MUC17: variants seen among roughly 807,000 people sequenced by gnomAD.
MUC17 encodes the protein mucin 17, cell surface associated.
A neutral mutation model predicts 170.3 loss-of-function variants in MUC17; 190 were observed. That is an observed-to-expected ratio of 1.12 (90% CI 0.99 to 1.26). The LOEUF is 1.26. Among genes scored for constraint, MUC17 ranks in the 50% most tolerant of loss-of-function variants. The probability of loss-of-function intolerance (pLI) is 0.00; values close to 1 mark genes in which losing one functional copy is unlikely to be tolerated. For missense variants in MUC17, 6,415 were observed against 5,530.0 expected (o/e 1.16, Z -5.08); for synonymous variants, 2,325 against 2,002.5 (o/e 1.16, Z -4.30).
chr7:101,032,265 C>A lies in MUC17; in HGVS notation c.849C>A (p.Ser283Arg). 1 of 1,613,756 alleles carries A rather than the reference C, an allele frequency of 6.2e-7. No individual in the cohort carries two copies. The highest frequency in any genetic ancestry group is 8.5e-7 in the Non-Finnish European group (1 of 1,179,798). Residue 283 changes from serine to arginine, a missense_variant, in exon 3 of 13, where the codon AGC becomes AGA. By Grantham distance (110) the Ser-to-Arg change is moderately radical. Coordinates refer to ENST00000306151, the MANE Select transcript of MUC17 (RefSeq NM_001040105.2). ...CTCCATTAACAAGAATGCCTCTCAG[C>A]GTGATGCTGGTGGTCAGTTCTGAGG... ...GSTPLTRMPLSVMLVVSSEAS... is the reference protein window; with the variant it reads ...GSTPLTRMPLRVMLVVSSEAS...
rs868684461 is a variant in MUC17, at chr7:101,040,691, G to A, written c.9275G>A (p.Gly3092Asp). Residue 3092 changes from glycine (G) to aspartate (D), a missense_variant, in exon 3 of 13, where the codon GGT (glycine) becomes GAT (aspartate). Gly to Asp is a moderately conservative substitution (Grantham distance 94). Transcript: ENST00000306151. The stretch of plus-strand genomic sequence containing the variant: ...AGTTCATCTCCTACACCTGCTGAAG[G>A]TACCAGCATGCCAATCTCAACTTAT... ...EVSSSPTPAE[G>D]TSMPISTYSE... 6 of 1,613,046 alleles carry A rather than the reference G, an allele frequency of 3.7e-6. No individual in the cohort carries two copies. Among genetic ancestry groups the A allele is most frequent in the Non-Finnish European group, 4.2e-6 (5 of 1,179,772 alleles).
Position 101,041,068 on chromosome 7 carries a change from A to G in MUC17, c.9652A>G (p.Ser3218Gly), listed in dbSNP as rs148969776. The G allele has an allele frequency of 9.9e-6, 16 of 1,613,612 alleles. No homozygotes were observed. In the African/African-American group the frequency reaches 1.3e-4, roughly 13 times the overall value. Residue 3218 changes from serine (S) to glycine (G), a missense_variant, in exon 3 of 13, where the codon AGT becomes GGT. By Grantham distance (56) the Ser-to-Gly change is moderately conservative. Coordinates refer to ENST00000306151, the MANE Select transcript of MUC17 (RefSeq NM_001040105.2). ...EGTSIPTSTPSEGMTPLTSVP... is the reference protein window; with the variant it reads ...EGTSIPTSTPGEGMTPLTSVP... ...TACCAGCATTCCAACCTCAACTCCT[A>G]GTGAAGGAATGACTCCATTAACTAG...
rs747880677 is a variant in MUC17, at chr7:101,042,957, C to A, written c.11541C>A (p.Leu3847=). 2 of 1,614,144 alleles carry A rather than the reference C, an allele frequency of 1.2e-6. No homozygotes were observed. The highest frequency in any genetic ancestry group is 3.3e-5 in the Admixed American group (2 of 60,022). The part of the protein sequence containing the change: ...TPPGDTSTPL[L]TSTKAGSFSI... ...CTGGTGATACCAGCACACCTTTGCT[C>A]ACCTCTACCAAAGCCGGTTCATTCT... The change falls in exon 3 of 13, where the codon CTC becomes CTA. Residue 3847 remains leucine, a synonymous_variant. Transcript: ENST00000306151.
At chr7:101,053,214 G>A in intron 10 of MUC17, 67 bp downstream of exon 10, 3 of 1,591,008 alleles carry the variant, frequency 1.9e-6, no homozygotes, top group Non-Finnish European at 2.6e-6. Context: ...TGAACCCTCT[G>A]TCTCTAATCA....
chr7:101,043,749 C>A lies in MUC17; in HGVS notation c.12333C>A (p.Thr4111=). The stretch of plus-strand genomic sequence containing the variant: ...CTTCCTTCCCCACGGTGACCACCAC[C>A]GCTGTCCCCACGAATACTACAATTA... ...RTTSFPTVTT[T]AVPTNTTIKS... is the part of the protein sequence containing the mutation. The change falls in exon 3 of 13, where the codon ACC becomes ACA. Residue 4111 remains threonine (T), a synonymous_variant. Transcript: ENST00000306151. 1 of 1,614,128 alleles carries A rather than the reference C, an allele frequency of 6.2e-7. No homozygotes were observed. The highest frequency in any genetic ancestry group is 8.5e-7 in the Non-Finnish European group (1 of 1,180,028).
In MUC17 at chr7:101,036,378, T is replaced by G. The variant is rs748999087; in HGVS notation, c.4962T>G (p.Thr1654=). 3.7e-6 allele frequency: 6 copies of G among 1,611,930 alleles called. No individual in the cohort carries two copies. Among genetic ancestry groups the G allele is most frequent in the Middle Eastern group, 3.3e-4 (2 of 6,070 alleles). The change falls in exon 3 of 13, where the codon ACT becomes ACG. Residue 1654 remains threonine, a synonymous_variant. Transcript: ENST00000306151. ...ASPEASTLST[T]PVDSNSPVIT... is the part of the protein sequence containing the mutation. The stretch of plus-strand genomic sequence containing the variant: ...CTGAGGCTAGCACCCTTTCAACAAC[T>G]CCTGTTGACTCCAACAGTCCTGTGA...
At position 101,053,288 on chromosome 7, in the gene MUC17, T is replaced by G. The variant is rs777318545; in HGVS notation, c.13266-51T>G. On this transcript the variant is annotated intron_variant, in intron 10 of 12. Transcript: ENST00000306151. ...GGGGATACAGCTTGTCCCTGGTCCT[T>G]ATTCCTGTTCCCCAATCCTAATGGG... The G allele has an allele frequency of 1.9e-6, 3 of 1,593,850 alleles. No individual in the cohort carries two copies. The South Asian group carries it at 3.3e-5, about 18-fold the overall frequency.
chr7:101,056,641 A>G (rs1240315834), intron 12 of MUC17, among the ~76,000 whole-genome samples: 3 of 152,218 alleles, frequency 2.0e-5, no homozygotes, highest in Non-Finnish European at 2.9e-5. Flanking sequence ...TTAACATGCC[A>G]TATGTTTCTT....
rs975151689 is a variant in MUC17 at position 101,024,866 on chromosome 7, A to T, written c.82+4649A>T. 3.3e-5 allele frequency among the ~76,000 whole-genome samples: 5 copies of T among 151,228 alleles called. No individual in the cohort carries two copies. In the East Asian group the frequency reaches 7.8e-4, roughly 24 times the overall value. Reference sequence around the variant, plus strand: ...ATGGGAGGGAGCAGGCCTTCTTTTAAAAAAAGAAATCGTTGACCAGGAGCA... The same window carrying T: ...ATGGGAGGGAGCAGGCCTTCTTTTATAAAAAGAAATCGTTGACCAGGAGCA... On this transcript the variant is annotated intron_variant, in intron 1 of 12. Coordinates refer to ENST00000306151, the MANE Select transcript of MUC17 (RefSeq NM_001040105.2).
chr7:101,034,610 C>T lies in MUC17; in HGVS notation c.3194C>T (p.Thr1065Ile). Residue 1065 changes from threonine to isoleucine, a missense_variant, in exon 3 of 13, where the codon ACT becomes ATT. Transcript: ENST00000306151. ...TCTGAAACGAGCACACTTTCAACAA[C>T]TCCTGCTGACACCAGCACACCTGTG... Reference protein sequence around the residue: ...ASSETSTLSTTPADTSTPVTT... With the variant: ...ASSETSTLSTIPADTSTPVTT... 1.2e-6 allele frequency: 2 copies of T among 1,607,450 alleles called. No homozygotes were observed.
In MUC17 at chr7:101,053,140, G is replaced by A. The variant is rs893317689; in HGVS notation, c.13258G>A (p.Val4420Met). The change falls in exon 10 of 13, where the codon GTG becomes ATG. Residue 4420 changes from valine to methionine, a missense_variant. Transcript: ENST00000306151. ...GCTCGTTTTCCGCTCCAAGAGAGAGGTGAAACGGTGAGCGAGCCCCTACCA... is the reference window on the plus strand; with the variant it reads ...GCTCGTTTTCCGCTCCAAGAGAGAGATGAAACGGTGAGCGAGCCCCTACCA... The part of the protein sequence containing the change: ...LMLVFRSKRE[V>M]KRQKYRLSQL... 35 of 1,613,368 alleles carry A rather than the reference G, an allele frequency of 2.2e-5. No homozygotes were observed. Among genetic ancestry groups the A allele is most frequent in the Non-Finnish European group, 2.6e-5 (31 of 1,179,770 alleles).
chr7:101,033,092 G>A lies in MUC17; in HGVS notation c.1676G>A (p.Ser559Asn). 1 of 1,611,478 alleles carries A rather than the reference G, an allele frequency of 6.2e-7. No individual in the cohort carries two copies. Among genetic ancestry groups the A allele is most frequent in the Non-Finnish European group, 8.5e-7 (1 of 1,178,670 alleles). ...SSSSTTPEGT[S>N]IPTSTPSEGS... ...TCTTCTACAACTCCTGAAGGTACCAGCATACCAACCTCAACTCCTAGTGAA... is the reference window on the plus strand; with the variant it reads ...TCTTCTACAACTCCTGAAGGTACCAACATACCAACCTCAACTCCTAGTGAA... The change falls in exon 3 of 13, where the codon AGC (serine) becomes AAC (asparagine). Residue 559 changes from serine to asparagine, a missense_variant. By Grantham distance (46) the Ser-to-Asn change is conservative. Coordinates refer to ENST00000306151, the MANE Select transcript of MUC17 (RefSeq NM_001040105.2).
chr7:101,032,560 A>G lies in MUC17; in HGVS notation c.1144A>G (p.Ser382Gly). ...ACTTCCTACAACTGCTGAAGCTACC[A>G]GCATGCTAACCTCAACTCTTAGTGA... ...SSLPTTAEAT[S>G]MLTSTLSEGS... Residue 382 changes from serine to glycine, a missense_variant, in exon 3 of 13, where the codon AGC (serine) becomes GGC (glycine). By Grantham distance (56) the Ser-to-Gly change is moderately conservative (BLOSUM62 0). Transcript: ENST00000306151. The G allele has an allele frequency of 6.2e-7, 1 of 1,614,128 alleles. No individual in the cohort carries two copies. The highest frequency in any genetic ancestry group is 1.6e-4 in the Middle Eastern group (1 of 6,062).
intron 1 of MUC17, among the ~76,000 whole-genome samples, chr7:101,029,682 T>A (rs773266567): frequency 6.6e-6 from 1 of 151,974 alleles, no homozygotes; most frequent in Non-Finnish European, 1.5e-5. Flanking sequence ...CACTGCAACC[T>A]CTGTCTCCCA....
chr7:101,047,699 C>T (rs1359624616), intron 3 of MUC17, among the ~76,000 whole-genome samples: 2 of 152,062 alleles, frequency 1.3e-5, no homozygotes, highest in Non-Finnish European at 2.9e-5. Context: ...GGTGTGGTGG[C>T]ACGCGCCTGT....
chr7:101,041,953 G>C lies in MUC17; in HGVS notation c.10537G>C (p.Gly3513Arg), dbSNP rs770582808. ...TACCAGCATGCCAACATCAACTGCTGGTGAAGGAAGCACTCCATTAACAAA... is the reference window on the plus strand; with the variant it reads ...TACCAGCATGCCAACATCAACTGCTCGTGAAGGAAGCACTCCATTAACAAA... The part of the protein sequence containing the change: ...EVTSMPTSTA[G>R]EGSTPLTNMP... The change falls in exon 3 of 13, where the codon GGT (glycine) becomes CGT (arginine). Residue 3513 changes from glycine (G) to arginine (R), a missense_variant. Coordinates refer to ENST00000306151, the MANE Select transcript of MUC17 (RefSeq NM_001040105.2). 1 of 1,566,388 alleles carries C rather than the reference G, an allele frequency of 6.4e-7. No individual in the cohort carries two copies. Among genetic ancestry groups the C allele is most frequent in the African/African-American group, 1.5e-5 (1 of 66,734 alleles).
Position 101,031,127 on chromosome 7 carries a change from T to G in MUC17, c.90T>G (p.Ser30Arg). ...CCCCTTTGTCTCTTTCAGACCTCAG[T>G]GTGAACAGGGCTGTGTGGGATGGAG... ...PPQAAAEQDL[S>R]VNRAVWDGGG... Residue 30 changes from serine (S) to arginine (R), a missense_variant, in exon 2 of 13, where the codon AGT becomes AGG. Transcript: ENST00000306151. 6.2e-7 allele frequency: 1 copy of G among 1,609,312 alleles called. No individual in the cohort carries two copies. The highest frequency in any genetic ancestry group is 8.5e-7 in the Non-Finnish European group (1 of 1,177,640).
At chr7:101,047,095 A>AAAATAAATAAATAAATAAAT (rs57775219) in intron 3 of MUC17, among the ~76,000 whole-genome samples, 14 of 146,950 alleles carry the variant, frequency 9.5e-5, no homozygotes, top group South Asian at 8.5e-4. Context: ...AAAAAAAATT[A>AAAATAAATAAATAAATAAAT]AAATAAATAA....
rs1424737692 is a variant in MUC17, at chr7:101,033,180, C to T, written c.1764C>T (p.Ser588=). 2.5e-6 allele frequency: 4 copies of T among 1,613,958 alleles called. No homozygotes were observed. Among genetic ancestry groups the T allele is most frequent in the Non-Finnish European group, 3.4e-6 (4 of 1,180,008 alleles). ...STRLVVSSEA[S]TTSTTPADSN... is the part of the protein sequence containing the mutation. ...GGCTGGTGGTCAGTTCTGAGGCTAG[C>T]ACCACTTCAACAACTCCTGCTGACT... Residue 588 remains serine, a synonymous_variant, in exon 3 of 13, where the codon AGC becomes AGT. Coordinates refer to ENST00000306151, the MANE Select transcript of MUC17 (RefSeq NM_001040105.2).
Sources: allele counts gnomAD v4.1 joint callset (sites outside exome capture counted in the v4.1 genomes callset), GRCh38; gene constraint gnomAD v4.1.1; transcripts MANE v1.5; gene names NCBI Gene and HGNC (gene_info 2026-07-23, HGNC 2026-07-21).